TCF3: variants seen among roughly 807,000 people sequenced by gnomAD.
TCF3 encodes the protein transcription factor 3, also known as transcription factor E2-alpha.
A neutral mutation model predicts 72.3 loss-of-function variants in TCF3; 54 were observed. The observed-to-expected ratio is 0.75, with a 90% CI of 0.60 to 0.94. TCF3 has a LOEUF of 0.94. Among genes scored for constraint, TCF3 ranks in the 40% least tolerant of loss-of-function variants. The probability of loss-of-function intolerance (pLI) is 0.00; values close to 1 mark genes in which losing one functional copy is unlikely to be tolerated. For missense variants in TCF3, 1,078 were observed against 934.4 expected (o/e 1.15, Z -2.00); for synonymous variants, 525 against 412.6 (o/e 1.27, Z -3.30).
At chr19:1,647,248 A>C (rs2066263086) in intron 2 of TCF3, among the ~76,000 whole-genome samples, 1 of 152,108 alleles carries the variant, frequency 6.6e-6, no homozygotes, top group African/African-American at 2.4e-5. Flanking sequence ...CAACGGCAAC[A>C]AACCCTTTTG....
At chr19:1,620,741 T>C (rs540723459) in intron 13 of TCF3, among the ~76,000 whole-genome samples, 21 of 152,278 alleles carry the variant, frequency 1.4e-4, no homozygotes, top group African/African-American at 5.1e-4. Flanking sequence ...GATTGCCCAG[T>C]GGAACACAAG....
intron 2 of TCF3, among the ~76,000 whole-genome samples, chr19:1,646,737 G>A (rs2066164627): frequency 6.6e-6 from 1 of 152,214 alleles, no homozygotes; most frequent in Non-Finnish European, 1.5e-5. Context: ...CCTTTGCTCT[G>A]GGGGGAGGGG....
At chr19:1,611,932 G>C (rs2061025669) in intron 18 of TCF3, 83 bp from the exon 19 acceptor site, 3 of 190,618 alleles carry the variant, frequency 1.6e-5, no homozygotes, top group East Asian at 1.0e-4. Flanking sequence ...TAGGATGTCG[G>C]GGGGGGGGGT....
chr19:1,619,316 C>T lies in TCF3; in HGVS notation c.1326G>A (p.Leu442=). The T allele has an allele frequency of 6.4e-7, 1 of 1,572,334 alleles. No individual in the cohort carries two copies. The highest frequency in any genetic ancestry group is 8.6e-7 in the Non-Finnish European group (1 of 1,164,940). ...AGCTCCACCCTCGCCCAGCGCTCAC[C>T]AGGCCTGCGTGCCGCCCGCCCAGTG... ...PMSLGGRHAG[L]VGGSHPEDGL... is the part of the protein sequence containing the mutation. Residue 442 remains leucine, a splice_region_variant and synonymous_variant, in exon 15 of 19, where the codon CTG becomes CTA. Transcript: ENST00000262965.
At chr19:1,640,915 G>A (rs1307325760) in intron 3 of TCF3, among the ~76,000 whole-genome samples, 6 of 152,170 alleles carry the variant, frequency 3.9e-5, no homozygotes, top group South Asian at 2.1e-4. Context: ...TTGGGAGGCC[G>A]AGGTGGGTGG....
At chr19:1,612,421 C>G in intron 18 of TCF3, 3 of 1,612,826 alleles carry the variant, frequency 1.9e-6, no homozygotes, top group Non-Finnish European at 2.5e-6. Flanking sequence ...GGGACAGCAC[C>G]TCGTCCGTAC....
Position 1,650,082 on chromosome 19 carries a change from C to A in TCF3, c.72+95G>T. 2.4e-6 allele frequency: 3 copies of A among 1,230,206 alleles called. No homozygotes were observed. The East Asian group carries it at 7.7e-5, about 32-fold the overall frequency. The allele number at this position is 1,230,206 out of a possible 1,614,324, so 76.2% of individuals were successfully genotyped here. A position where few individuals can be genotyped will look rare whatever the true frequency, so the allele number is the denominator to read the frequency against. ...CCCATCCAAACAGCTGAGGCTCCATCGCTGAAGTATTCAGCAAACACTCTC... is the reference window on the plus strand; with the variant it reads ...CCCATCCAAACAGCTGAGGCTCCATAGCTGAAGTATTCAGCAAACACTCTC... On this transcript the variant is annotated intron_variant, in intron 2 of 18. Coordinates refer to ENST00000262965, the MANE Select transcript of TCF3 (RefSeq NM_003200.5).
chr19:1,614,201 T>C lies in TCF3; in HGVS notation c.1822+1084A>G. Among the ~76,000 whole-genome samples, 1 of 152,188 alleles carries C rather than the reference T, an allele frequency of 6.6e-6. No individual in the cohort carries two copies. The highest frequency in any genetic ancestry group is 2.4e-5 in the African/African-American group (1 of 41,442). Reference sequence around the variant, plus strand: ...GTCTCTAGGGGGCTGCCTCACCCACTTGCCTGCCCACCCTGCCTTAGGGGC... The same window carrying C: ...GTCTCTAGGGGGCTGCCTCACCCACCTGCCTGCCCACCCTGCCTTAGGGGC... On this transcript the variant is annotated intron_variant, in intron 18 of 18. Coordinates refer to ENST00000262965, the MANE Select transcript of TCF3 (RefSeq NM_003200.5). The surrounding 1 kb of genome is among the most constrained non-coding windows in gnomAD (Gnocchi z 5.6).
intron 3 of TCF3, among the ~76,000 whole-genome samples, chr19:1,635,211 C>A (rs548499192): frequency 6.6e-6 from 1 of 152,214 alleles, no homozygotes; most frequent in African/African-American, 2.4e-5. Flanking sequence ...AATGTGCCCC[C>A]ACTCAGGTGC....
At position 1,631,273 on chromosome 19, in the gene TCF3, C is replaced by CT. The variant is rs35041312; in HGVS notation, c.298+764dup. Among the ~76,000 whole-genome samples the CT allele has an allele frequency of 6.4e-3, 929 of 144,798 alleles. 14 individuals are homozygous for CT. Among genetic ancestry groups the CT allele is most frequent in the African/African-American group, 0.021 (846 of 39,612 alleles). 95.0% of individuals were successfully genotyped at this position (144,798 alleles called of 152,430 possible). A position where few individuals can be genotyped will look rare whatever the true frequency, so the allele number is the denominator to read the frequency against. On this transcript the variant is annotated intron_variant, in intron 5 of 18. Transcript: ENST00000262965. ...CAGACACCAGGCCTGAGTCTTCATT[C>CT]TTTTTTTTTTTTTAAGATGGAATCT...
intron 13 of TCF3, 126 bp from the exon 14 acceptor site, chr19:1,619,979 T>G: frequency 1.2e-6 from 1 of 814,858 alleles, no homozygotes; most frequent in Non-Finnish European, 2.0e-6. Context: ...AGATGGCCAT[T>G]CCGGGGCACC....
At chr19:1,612,165 G>T (rs772665099) in intron 18 of TCF3, 115 of 1,527,668 alleles carry the variant, frequency 7.5e-5, no homozygotes, top group Non-Finnish European at 1.0e-4. Flanking sequence ...TGGGTGTGGG[G>T]AAGGGAGAGG....
chr19:1,650,512 G>A (rs2145793209), intron 1 of TCF3: 2 of 431,002 alleles, frequency 4.6e-6, no homozygotes, highest in Non-Finnish European at 4.1e-6. Context: ...AGAGACCACA[G>A]GGAGTCTGAA....
At chr19:1,645,125 G>GT (rs1206022048) in intron 3 of TCF3, among the ~76,000 whole-genome samples, 4 of 152,018 alleles carry the variant, frequency 2.6e-5, no homozygotes, top group Non-Finnish European at 4.4e-5. Flanking sequence ...AAGTGCCCAA[G>GT]TACAGAACCC....
rs2061419809 is a variant in TCF3 at position 1,615,137 on chromosome 19, G to A, written c.1822+148C>T. The A allele has an allele frequency of 1.1e-6, 1 of 945,836 alleles. No homozygotes were observed. Among genetic ancestry groups the A allele is most frequent in the Non-Finnish European group, 1.5e-6 (1 of 651,184 alleles). The allele number at this position is 945,836 out of a possible 1,614,324, so 58.6% of individuals were successfully genotyped here. ...GTGGACAGTCATGGCAATGCGGTCA[G>A]AGGGGTGAAGGGCACAGTCACTGCA... is the stretch of plus-strand genomic sequence containing the variant. On this transcript the variant is annotated intron_variant, in intron 18 of 18. Coordinates refer to ENST00000262965, the MANE Select transcript of TCF3 (RefSeq NM_003200.5). The surrounding 1 kb of genome is among the most constrained non-coding windows in gnomAD (Gnocchi z 7.3).
At chr19:1,617,053 A>G (rs1030071209) in intron 16 of TCF3, among the ~76,000 whole-genome samples, 3 of 152,246 alleles carry the variant, frequency 2.0e-5, no homozygotes, top group African/African-American at 7.2e-5. Context: ...CAGCACATCA[A>G]GAGATTAAGG....
At chr19:1,624,257 G>C (rs1469246153) in intron 7 of TCF3, among the ~76,000 whole-genome samples, 1 of 152,144 alleles carries the variant, frequency 6.6e-6, no homozygotes, top group African/African-American at 2.4e-5. Flanking sequence ...GTAGCCGGGC[G>C]TGGTGGCGGG....
chr19:1,612,421 C>A, intron 18 of TCF3: 1 of 1,612,826 alleles, frequency 6.2e-7, no homozygotes, highest in Non-Finnish European at 8.5e-7. Context: ...GGGACAGCAC[C>A]TCGTCCGTAC....
chr19:1,622,373 TG>T lies in TCF3; in HGVS notation c.591del (p.Thr198ProfsTer86). 7.7e-7 allele frequency: 1 copy of T among 1,293,214 alleles called. No individual in the cohort carries two copies. The highest frequency in any genetic ancestry group is 1.4e-5 in the South Asian group (1 of 73,562). 80.1% of individuals were successfully genotyped at this position (1,293,214 alleles called of 1,614,324 possible). Reference protein sequence around the residue: ...PSSGEDYGRDATAYPSAKTPS... With the variant: ...PSSGEDYGRDXTAYPSAKTPS... ...GGGGTCTTGGCGGACGGGTAGGCGG[TG>T]GCATCCCTGCCGTAGTCCTCACCTG... On this transcript the variant is annotated frameshift_variant, in exon 9 of 19. Transcript: ENST00000262965. LOFTEE classifies it high-confidence loss of function.
Sources: allele counts gnomAD v4.1 joint callset (sites outside exome capture counted in the v4.1 genomes callset), GRCh38; gene constraint gnomAD v4.1.1; non-coding constraint Gnocchi (gnomAD v3.1); transcripts MANE v1.5; gene names NCBI Gene and HGNC (gene_info 2026-07-23, HGNC 2026-07-21).